MARCO: variants seen among roughly 807,000 people sequenced by gnomAD.
MARCO encodes macrophage receptor MARCO.
MARCO carries 72 observed loss-of-function variants against 70.0 expected under a neutral mutation model. That is an observed-to-expected ratio of 1.03 (90% CI 0.85 to 1.25). The LOEUF is 1.25. Ranked by LOEUF, MARCO falls within the 50% of genes most tolerant of loss-of-function variation. The pLI, the probability that MARCO is intolerant of heterozygous loss-of-function variation, is 0.00. For missense variants in MARCO, 696 were observed against 659.3 expected, an observed-to-expected ratio of 1.06 and a Z score of -0.61; for synonymous variants, 273 against 243.1, an observed-to-expected ratio of 1.12 and a Z score of -1.14.
intron 1 of MARCO, among the ~76,000 whole-genome samples, chr2:118,948,683 T>G (rs764489182): frequency 1.1e-4 from 17 of 152,224 alleles, no homozygotes; most frequent in Admixed American, 3.3e-4. Context: ...CTCTTCAAAC[T>G]TGCTTAACAT....
chr2:118,943,418 A>T (rs1488298318), intron 1 of MARCO, among the ~76,000 whole-genome samples: 1 of 152,236 alleles, frequency 6.6e-6, no homozygotes, highest in East Asian at 1.9e-4. Context: ...TCAGCTGATC[A>T]AGCATACTCA....
chr2:118,971,437 G>A, intron 3 of MARCO, 62 bp from the exon 4 acceptor site: 1 of 1,555,438 alleles, frequency 6.4e-7, no homozygotes, highest in Non-Finnish European at 8.9e-7. Context: ...GGCACTCTCA[G>A]TTGGGGCTTG....
At chr2:118,977,567 G>C in intron 7 of MARCO, 52 bp downstream of exon 7, 1 of 1,534,368 alleles carries the variant, frequency 6.5e-7, no homozygotes, top group Non-Finnish European at 9.0e-7. Flanking sequence ...CTGAGGCACT[G>C]AGGCAGTTCC....
chr2:118,986,613 G>C (rs1680494013), intron 12 of MARCO, among the ~76,000 whole-genome samples: 1 of 20,392 alleles, frequency 4.9e-5, no homozygotes. Flanking sequence ...AAGAAAGAAA[G>C]AAAGAAAGAA....
At chr2:118,944,326 C>T (rs1679556546) in intron 1 of MARCO, among the ~76,000 whole-genome samples, 1 of 152,196 alleles carries the variant, frequency 6.6e-6, no homozygotes, top group Non-Finnish European at 1.5e-5. Flanking sequence ...TCACAACATC[C>T]TGCCTTCTAA....
chr2:118,993,430 A>C (rs1680661875), intron 16 of MARCO, 130 bp downstream of exon 16: 2 of 896,282 alleles, frequency 2.2e-6, no homozygotes, highest in South Asian at 3.3e-5. Flanking sequence ...AGCAACCAAA[A>C]AGCTCTGCAG....
chr2:118,990,932 G>C (rs1680610537), intron 13 of MARCO, among the ~76,000 whole-genome samples: 1 of 152,196 alleles, frequency 6.6e-6, no homozygotes, highest in African/African-American at 2.4e-5. Context: ...AGAGGCTCCA[G>C]GCTCTACAGC....
chr2:118,983,927 T>C (rs1038063925), intron 12 of MARCO, among the ~76,000 whole-genome samples: 1 of 152,162 alleles, frequency 6.6e-6, no homozygotes, highest in Admixed American at 6.5e-5. Context: ...TCTTCCACAG[T>C]CTGAGGGTAG....
At position 118,950,436 on chromosome 2, in the gene MARCO, T is replaced by C. The variant is rs181578811; in HGVS notation, c.97+8039T>C. On this transcript the variant is annotated intron_variant, in intron 1 of 16. Transcript: ENST00000327097. ...TCCTTTACAATTAAAGTTTCAAAAC[T>C]TGCTTAAACCTTCAAAACAAAATTT... is the stretch of plus-strand genomic sequence containing the variant. Among the ~76,000 whole-genome samples, 7 of 145,306 alleles carry C rather than the reference T, an allele frequency of 4.8e-5. No homozygotes were observed. In the East Asian group the frequency reaches 1.0e-3, roughly 21 times the overall value.
intron 1 of MARCO, 130 bp from the exon 2 acceptor site, chr2:118,969,030 G>A: frequency 1.5e-6 from 1 of 684,918 alleles, no homozygotes; most frequent in South Asian, 1.7e-5. Flanking sequence ...GGAGTCATGA[G>A]CTTTTGGTGT....
At chr2:118,982,652 C>A (rs1573403478) in intron 12 of MARCO, among the ~76,000 whole-genome samples, 1 of 152,180 alleles carries the variant, frequency 6.6e-6, no homozygotes, top group African/African-American at 2.4e-5. Flanking sequence ...AAACCTCCAG[C>A]ATCACGGAGG....
intron 6 of MARCO, among the ~76,000 whole-genome samples, chr2:118,976,012 A>G (rs6737730): frequency 0.043 from 6,533 of 152,030 alleles, 489 homozygotes; most frequent in African/African-American, 0.15. Flanking sequence ...CCTCCGAGAG[A>G]GAGGGACTCA....
At chr2:118,979,234 CAGA>C (rs1490430273) in intron 8 of MARCO, among the ~76,000 whole-genome samples, 1 of 152,116 alleles carries the variant, frequency 6.6e-6, no homozygotes, top group Non-Finnish European at 1.5e-5. Context: ...TGGTACCCAG[CAGA>C]AGAACAAGGA....
intron 1 of MARCO, among the ~76,000 whole-genome samples, chr2:118,966,157 C>A (rs1028076512): frequency 1.3e-5 from 2 of 152,162 alleles, no homozygotes; most frequent in Non-Finnish European, 2.9e-5. Context: ...GGCTTTTTTT[C>A]TTCACTGGGA....
At chr2:118,961,999 T>C (rs1329427187) in intron 1 of MARCO, among the ~76,000 whole-genome samples, 1 of 152,226 alleles carries the variant, frequency 6.6e-6, no homozygotes, top group African/African-American at 2.4e-5. Context: ...TGCTTGTTTT[T>C]GTCAGGTTTG....
At chr2:118,975,800 ACCCGTGT>A (rs1680271154) in intron 6 of MARCO, among the ~76,000 whole-genome samples, 1 of 152,184 alleles carries the variant, frequency 6.6e-6, no homozygotes, top group African/African-American at 2.4e-5. Context: ...ACTCATGCAC[ACCCGTGT>A]CTGAGCACAC....
intron 10 of MARCO, 131 bp downstream of exon 10, chr2:118,981,787 T>A (rs529235722): frequency 1.0e-6 from 1 of 958,612 alleles, no homozygotes; most frequent in South Asian, 1.5e-5. Flanking sequence ...TTTTTAGACA[T>A]CTGGCCCTGG....
intron 1 of MARCO, 76 bp downstream of exon 1, chr2:118,942,473 G>A (rs1679522803): frequency 8.4e-7 from 1 of 1,190,000 alleles, no homozygotes; most frequent in East Asian, 2.4e-5. Context: ...AAATAGACAA[G>A]TCAATAGAAA....
At chr2:118,991,199 A>G (rs547919293) in intron 13 of MARCO, among the ~76,000 whole-genome samples, 41 of 150,926 alleles carry the variant, frequency 2.7e-4, no homozygotes, top group Non-Finnish European at 5.2e-4. Context: ...TTTCAGACAC[A>G]TTTCTTGAGC....
Sources: gnomAD v4.1 joint callset for allele counts (sites outside exome capture counted in the v4.1 genomes callset) on GRCh38, gnomAD v4.1.1 for gene constraint, MANE v1.5 for transcripts, NCBI Gene and HGNC (gene_info 2026-07-23, HGNC 2026-07-21) for gene names.